The following CABLES1 variants were observed in gnomAD, a reference collection of about 807,000 sequenced individuals.
The protein encoded by CABLES1 is Cdk5 and Abl enzyme substrate 1.
In CABLES1, 36 loss-of-function variants were observed where a neutral mutation model predicts 57.8. That is an observed-to-expected ratio of 0.62 (90% CI 0.48 to 0.82). The LOEUF is 0.82. CABLES1 is among the 40% of genes least tolerant of loss of function. The pLI is 0.00. For missense variants in CABLES1, 767 were observed against 836.6 expected (o/e 0.92, Z 1.03); for synonymous variants, 374 against 363.0 (o/e 1.03, Z -0.35).
chr18:23,209,376 C>A (rs2047387350), intron 3 of CABLES1, among the ~76,000 whole-genome samples: 1 of 152,244 alleles, frequency 6.6e-6, no homozygotes, highest in Admixed American at 6.5e-5. Flanking sequence ...AATAAGGCCA[C>A]AACCACAGGT....
At chr18:23,239,777 A>G (rs1377248975) in intron 7 of CABLES1, among the ~76,000 whole-genome samples, 3 of 152,200 alleles carry the variant, frequency 2.0e-5, no homozygotes, top group Admixed American at 2.0e-4. Flanking sequence ...GTAAACAGTA[A>G]ACAAGGAGAC....
Position 23,252,985 on chromosome 18 carries a change from C to G in CABLES1, c.1472C>G (p.Pro491Arg), listed in dbSNP as rs367686833. 1.1e-5 allele frequency: 17 copies of G among 1,613,008 alleles called. No individual in the cohort carries two copies. The highest frequency in any genetic ancestry group is 6.7e-5 in the African/African-American group (5 of 74,860). ...ACAACAGTGATTGACTACGTGAAGC[C>G]CTCGGATCTCAAGAAGGACATGAAC... ...YMTTVIDYVKPSDLKKDMNET... is the reference protein window; with the variant it reads ...YMTTVIDYVKRSDLKKDMNET... Residue 491 changes from proline (P) to arginine (R), a missense_variant, in exon 8 of 10, where the codon CCC (proline) becomes CGC (arginine). Physicochemically the swap from Pro to Arg is moderately radical, Grantham distance 103 (BLOSUM62 -2). Around this residue, in one of 4 missense-constraint regions of CABLES1, gnomAD observed 529 missense variants for 622.8 expected, o/e 0.85. Transcript: ENST00000256925.
chr18:23,218,129 A>G (rs2047456099), intron 4 of CABLES1, among the ~76,000 whole-genome samples: 2 of 152,316 alleles, frequency 1.3e-5, no homozygotes, highest in South Asian at 2.1e-4. Context: ...AAAAACAGGA[A>G]TCTCGTAGTT....
rs115170108 is a variant in CABLES1 at position 23,175,962 on chromosome 18, A to G, written c.846-12876A>G. ...AATGTAAAAAAAAAGAATAAAGTCA[A>G]CCAATCTACAAGTATTTAGATATGA... On this transcript the variant is annotated intron_variant, in intron 1 of 9. Coordinates refer to ENST00000256925, the MANE Select transcript of CABLES1 (RefSeq NM_001100619.3). Among the ~76,000 whole-genome samples, 1,318 of 152,338 alleles carry G rather than the reference A, an allele frequency of 8.7e-3. 14 individuals carry two copies. The highest frequency in any genetic ancestry group is 0.029 in the African/African-American group (1,188 of 41,574).
intron 9 of CABLES1, among the ~76,000 whole-genome samples, chr18:23,256,496 T>G (rs2048170008): frequency 6.6e-6 from 1 of 152,216 alleles, no homozygotes; most frequent in South Asian, 2.1e-4. Flanking sequence ...TTATTTATTT[T>G]TTGAGACAGC....
chr18:23,243,213 G>A (rs942697689), intron 7 of CABLES1, among the ~76,000 whole-genome samples: 2 of 152,130 alleles, frequency 1.3e-5, no homozygotes, highest in South Asian at 4.1e-4. Flanking sequence ...AGGTTTCAAG[G>A]TGCCTGAGGC....
intron 1 of CABLES1, among the ~76,000 whole-genome samples, chr18:23,165,008 G>C (rs1413277979): frequency 6.6e-6 from 1 of 152,002 alleles, no homozygotes; most frequent in Non-Finnish European, 1.5e-5. Flanking sequence ...CCTGAACTCA[G>C]GTGATCTGCC....
rs2144940990 is a variant in CABLES1, at chr18:23,136,081, C to T, written c.319C>T (p.Arg107Trp). The T allele has an allele frequency of 1.7e-6, 2 of 1,174,622 alleles. No individual in the cohort carries two copies. Among genetic ancestry groups the T allele is most frequent in the South Asian group, 4.1e-5 (1 of 24,186 alleles). 72.8% of individuals were successfully genotyped at this position (1,174,622 alleles called of 1,614,324 possible). The change falls in exon 1 of 10, where the codon CGG (arginine) becomes TGG (tryptophan). Residue 107 changes from arginine (R) to tryptophan (W), a missense_variant. This residue lies in a region of CABLES1 where 198 missense variants were observed against 149.7 expected (regional missense o/e 1.32). Coordinates refer to ENST00000256925, the MANE Select transcript of CABLES1 (RefSeq NM_001100619.3). ...GAGGACGART[R>W]FSLLAAAERG... is the part of the protein sequence containing the mutation. ...CGGCGGCGCCTGCGGCGCGAGGACT[C>T]GGTTCAGCTTGCTCGCCGCTGCCGA...
In CABLES1 at chr18:23,208,140, G is replaced by A. The variant is rs190647655; in HGVS notation, c.1011-5837G>A. On this transcript the variant is annotated intron_variant, in intron 3 of 9. Transcript: ENST00000256925. Reference sequence around the variant, plus strand: ...CTTGTTCTAGTGCCTTCTTGTCCACGGGACCCCTTCTCTTCCCAGCTCCGG... The same window carrying A: ...CTTGTTCTAGTGCCTTCTTGTCCACAGGACCCCTTCTCTTCCCAGCTCCGG... 2.0e-3 allele frequency among the ~76,000 whole-genome samples: 300 copies of A among 152,156 alleles called. 2 individuals carry two copies. Among genetic ancestry groups the A allele is most frequent in the Admixed American group, 0.017 (254 of 15,280 alleles).
Position 23,253,775 on chromosome 18 carries a change from G to A in CABLES1, c.1600G>A (p.Glu534Lys). 1.9e-6 allele frequency: 3 copies of A among 1,614,212 alleles called. No homozygotes were observed. Among genetic ancestry groups the A allele is most frequent in the South Asian group, 1.1e-5 (1 of 91,076 alleles). ...RKLAQEDCGL[E>K]EPTVAMAFVY... ...GCTTGCGCAGGAGGACTGTGGCCTTGAGGAGCCCACGGTGGCCATGGCCTT... is the reference window on the plus strand; with the variant it reads ...GCTTGCGCAGGAGGACTGTGGCCTTAAGGAGCCCACGGTGGCCATGGCCTT... Residue 534 changes from glutamate to lysine, a missense_variant, in exon 9 of 10, where the codon GAG becomes AAG. By Grantham distance (56) the Glu-to-Lys change is moderately conservative. Around this residue, in one of 4 missense-constraint regions of CABLES1, gnomAD observed 529 missense variants for 622.8 expected, o/e 0.85. Coordinates refer to ENST00000256925, the MANE Select transcript of CABLES1 (RefSeq NM_001100619.3).
At chr18:23,163,216 G>A (rs1179488967) in intron 1 of CABLES1, among the ~76,000 whole-genome samples, 6 of 152,084 alleles carry the variant, frequency 3.9e-5, no homozygotes, top group Non-Finnish European at 4.4e-5. Context: ...GGAAGAAGAA[G>A]AGGTTGAGTT....
intron 1 of CABLES1, among the ~76,000 whole-genome samples, chr18:23,178,349 A>G (rs551890747): frequency 6.6e-6 from 1 of 152,078 alleles, no homozygotes; most frequent in South Asian, 2.1e-4. Flanking sequence ...AGAATGCAGC[A>G]CTGCCACTGA....
chr18:23,230,008 A>G (rs1482170141), intron 4 of CABLES1, among the ~76,000 whole-genome samples: 1 of 152,242 alleles, frequency 6.6e-6, no homozygotes, highest in Non-Finnish European at 1.5e-5. Flanking sequence ...ATGAACCCGG[A>G]AAAGTTTGTC....
intron 1 of CABLES1, among the ~76,000 whole-genome samples, chr18:23,187,260 T>C (rs1001355067): frequency 2.0e-5 from 3 of 152,254 alleles, no homozygotes; most frequent in African/African-American, 4.8e-5. Context: ...ACAGTTTCTG[T>C]AGAAAGTCCG....
At chr18:23,196,477 A>G (rs1216413520) in intron 3 of CABLES1, among the ~76,000 whole-genome samples, 1 of 152,202 alleles carries the variant, frequency 6.6e-6, no homozygotes, top group African/African-American at 2.4e-5. Flanking sequence ...GGAGGAAGCC[A>G]GGAAGAAAAT....
rs547952533 is a variant in CABLES1 at position 23,223,209 on chromosome 18, C to T, written c.1088+9155C>T. Reference sequence around the variant, plus strand: ...TGTCTGAACATCTCCAAACCAGCAGCATGTGAGCAACATGTAAGTCACACA... The same window carrying T: ...TGTCTGAACATCTCCAAACCAGCAGTATGTGAGCAACATGTAAGTCACACA... On this transcript the variant is annotated intron_variant, in intron 4 of 9. Transcript: ENST00000256925. Among the ~76,000 whole-genome samples, 55 of 152,290 alleles carry T rather than the reference C, an allele frequency of 3.6e-4. 1 individual carries two copies. Among genetic ancestry groups the T allele is most frequent in the African/African-American group, 1.3e-3 (53 of 41,550 alleles).
chr18:23,238,864 C>T (rs2047668420), intron 7 of CABLES1, among the ~76,000 whole-genome samples: 1 of 152,234 alleles, frequency 6.6e-6, no homozygotes, highest in Admixed American at 6.5e-5. Flanking sequence ...CATTCCTCAG[C>T]AGTCAGCCCC....
rs752113235 is a variant in CABLES1, at chr18:23,136,421, C to T, written c.659C>T (p.Pro220Leu). Residue 220 changes from proline (P) to leucine (L), a missense_variant, in exon 1 of 10, where the codon CCG becomes CTG. Physicochemically the swap from Pro to Leu is moderately conservative, Grantham distance 98 (BLOSUM62 -3). Transcript: ENST00000256925. Reference sequence around the variant, plus strand: ...GATGCCTTTATCAGCGTGCAGGTGCCGGCGGCCGCCTTTTTGGGCTCCGGG... The same window carrying T: ...GATGCCTTTATCAGCGTGCAGGTGCTGGCGGCCGCCTTTTTGGGCTCCGGG... ...EDDAFISVQV[P>L]AAAFLGSGTP... The T allele has an allele frequency of 6.0e-5, 96 of 1,600,304 alleles. No individual in the cohort carries two copies. The highest frequency in any genetic ancestry group is 1.1e-4 in the African/African-American group (8 of 74,136).
chr18:23,255,780 C>T (rs931997926), intron 9 of CABLES1, among the ~76,000 whole-genome samples: 8 of 151,944 alleles, frequency 5.3e-5, no homozygotes, highest in Admixed American at 1.3e-4. Flanking sequence ...AGGCTAGTCT[C>T]GAACTCCTGG....
Sources: gnomAD v4.1 joint callset for allele counts (sites outside exome capture counted in the v4.1 genomes callset) on GRCh38, gnomAD v4.1.1 for gene constraint, gnomAD v4.1.1 regional missense constraint, MANE v1.5 for transcripts, NCBI Gene and HGNC (gene_info 2026-07-23, HGNC 2026-07-21) for gene names.